The following NCL variants were observed in gnomAD, a reference collection of about 807,000 sequenced individuals.
NCL encodes the protein nucleolin multifunctional protein.
Under a neutral mutation model 77.7 loss-of-function variants are expected in NCL, and 4 were observed. That is an observed-to-expected ratio of 0.05 (90% CI 0.03 to 0.12). The LOEUF (loss-of-function observed/expected upper bound fraction) is 0.12, where lower values mean the gene tolerates loss of function less well. Ranked by LOEUF, NCL falls within the 10% of genes least tolerant of loss-of-function variation. NCL has a pLI of 1.00. For missense variants in NCL, 763 were observed against 860.9 expected, an observed-to-expected ratio of 0.89 and a Z score of 1.42; for synonymous variants, 344 against 297.8, an observed-to-expected ratio of 1.16 and a Z score of -1.60.
Position 231,454,018 on chromosome 2 carries a change from A to G in NCL, c.*1173T>C, listed in dbSNP as rs186256356. ...AAGGGAGGTTGAGAGGCAAGTACTT[A>G]AGACCAGAAAGAATAAGCAATATAC... On this transcript the variant is annotated 3_prime_UTR_variant, in exon 14 of 14. Coordinates refer to ENST00000322723, the MANE Select transcript of NCL (RefSeq NM_005381.3). 1.3e-5 allele frequency: 2 copies of G among 152,206 alleles called. No homozygotes were observed. The highest frequency in any genetic ancestry group is 2.4e-5 in the African/African-American group (1 of 41,444). The allele number at this position is 152,206 out of a possible 1,614,324, so 9.4% of individuals were successfully genotyped here.
In NCL at chr2:231,457,662, T is replaced by G; in HGVS notation, c.1428A>C (p.Gly476=). The G allele has an allele frequency of 1.2e-6, 2 of 1,602,248 alleles. No individual in the cohort carries two copies. The highest frequency in any genetic ancestry group is 2.3e-5 in the South Asian group (2 of 88,422). ...EKGQNQDYRG[G]KNSTWSGESK... ...TCTTACCACTCCAAGTGCTATTCTT[T>G]CCACCTCTATAGTCTTGATTTTGAC... The change falls in exon 9 of 14, where the codon GGA becomes GGC. Residue 476 remains glycine (G), a synonymous_variant. Transcript: ENST00000322723.
At chr2:231,464,253 C>G in intron 1 of NCL, 83 bp downstream of exon 1, 1 of 1,530,510 alleles carries the variant, frequency 6.5e-7, no homozygotes, top group South Asian at 1.2e-5. Flanking sequence ...CGGGACTGCG[C>G]GCAGGCCCTC....
intron 8 of NCL, 145 bp from the exon 9 acceptor site, chr2:231,457,945 C>A: frequency 1.2e-6 from 1 of 801,416 alleles, no homozygotes; most frequent in Non-Finnish European, 1.8e-6. Context: ...CTCGAGCTTC[C>A]CTCTTACTTC....
intron 8 of NCL, 94 bp downstream of exon 8, chr2:231,458,172 C>A: frequency 6.7e-7 from 1 of 1,501,264 alleles, no homozygotes; most frequent in Non-Finnish European, 9.0e-7. Context: ...TCCAAGATTA[C>A]ACGCCTAAGG....
At position 231,457,717 on chromosome 2, in the gene NCL, G is replaced by A; in HGVS notation, c.1373C>T (p.Ser458Phe). The change falls in exon 9 of 14, where the codon TCT becomes TTT. Residue 458 changes from serine to phenylalanine, a missense_variant. Around this residue, in one of 2 missense-constraint regions of NCL, gnomAD observed 590 missense variants for 570.5 expected, o/e 1.03. Coordinates refer to ENST00000322723, the MANE Select transcript of NCL (RefSeq NM_005381.3). ...CTCTCCAGTATAGTACAGGGAAATA[G>A]ATCGCCCATCGATCTCTGTTCCCTG... ...EKQGTEIDGRSISLYYTGEKG... is the reference protein window; with the variant it reads ...EKQGTEIDGRFISLYYTGEKG... 3 of 1,612,716 alleles carry A rather than the reference G, an allele frequency of 1.9e-6. No individual in the cohort carries two copies. The highest frequency in any genetic ancestry group is 2.5e-6 in the Non-Finnish European group (3 of 1,179,002).
chr2:231,461,402 G>A (rs902268599), intron 3 of NCL, 138 bp downstream of exon 3: 4 of 1,369,922 alleles, frequency 2.9e-6, no homozygotes, highest in Non-Finnish European at 3.0e-6. Flanking sequence ...ATTAAGTCTA[G>A]CACACCACAA....
chr2:231,460,510 G>A lies in NCL; in HGVS notation c.866C>T (p.Ala289Val), dbSNP rs2046936981. Residue 289 changes from alanine (A) to valine (V), a missense_variant, in exon 5 of 14, where the codon GCA (alanine) becomes GTA (valine). By Grantham distance (64) the Ala-to-Val change is moderately conservative. Around this residue, in one of 2 missense-constraint regions of NCL, gnomAD observed 590 missense variants for 570.5 expected, o/e 1.03. Coordinates refer to ENST00000322723, the MANE Select transcript of NCL (RefSeq NM_005381.3). ...TTTCTGTTTCTTGGCTTCAGGAGCT[G>A]CTTTCTGTTTGGCCATTTCCTTCTT... ...KRKKEMAKQK[A>V]APEAKKQKVE... 6.2e-7 allele frequency: 1 copy of A among 1,614,074 alleles called. No individual in the cohort carries two copies. The highest frequency in any genetic ancestry group is 1.3e-5 in the African/African-American group (1 of 74,928).
At chr2:231,464,142 C>G in intron 1 of NCL, 194 bp downstream of exon 1, 2 of 1,394,670 alleles carry the variant, frequency 1.4e-6, no homozygotes, top group Non-Finnish European at 1.9e-6. Context: ...GCCCCCAGCA[C>G]CTGCAGAAGC....
intron 1 of NCL, chr2:231,464,071 C>A: frequency 7.5e-7 from 1 of 1,324,956 alleles, no homozygotes. Flanking sequence ...CATCTCTCCA[C>A]CCCGAGGCCC....
At position 231,455,121 on chromosome 2, in the gene NCL, T is replaced by C. The variant is rs73996751; in HGVS notation, c.*70A>G. ...GAATGTCCTCAGAAGGCTCTGTCAT[T>C]GATCAGGTAACAGTAAAAACCCCAG... On this transcript the variant is annotated 3_prime_UTR_variant, in exon 14 of 14. Coordinates refer to ENST00000322723, the MANE Select transcript of NCL (RefSeq NM_005381.3). The C allele has an allele frequency of 1.7e-3, 2,556 of 1,540,816 alleles. 48 individuals carry two copies. In the African/African-American group the frequency reaches 0.031, roughly 19 times the overall value.
chr2:231,462,121 G>A, intron 2 of NCL, 104 bp from the exon 3 acceptor site: 3 of 1,387,474 alleles, frequency 2.2e-6, no homozygotes, highest in Non-Finnish European at 3.0e-6. Flanking sequence ...TCTGGTTCAA[G>A]ACCACATGCA....
chr2:231,455,143 C>T lies in NCL; in HGVS notation c.*48G>A, dbSNP rs966902118. ...CATTGATCAGGTAACAGTAAAAACC[C>T]CAGAGTCCTTTCTTTCAAATGGAAA... On this transcript the variant is annotated 3_prime_UTR_variant, in exon 14 of 14. Transcript: ENST00000322723. 5 of 1,606,100 alleles carry T rather than the reference C, an allele frequency of 3.1e-6. No individual in the cohort carries two copies. The African/African-American group carries it at 6.7e-5, about 21-fold the overall frequency.
Position 231,455,506 on chromosome 2 carries a change from C to G in NCL, c.1951G>C (p.Gly651Arg). 6.2e-7 allele frequency: 1 copy of G among 1,614,232 alleles called. No individual in the cohort carries two copies. Among genetic ancestry groups the G allele is most frequent in the Non-Finnish European group, 8.5e-7 (1 of 1,180,042 alleles). ...TLDWAKPKGE[G>R]GFGGRGGGRG... ...CCTCCACCACGACCCCCGAAGCCACCTTCACCCTTAGGTTTGGCCCAGTCC... is the reference window on the plus strand; with the variant it reads ...CCTCCACCACGACCCCCGAAGCCACGTTCACCCTTAGGTTTGGCCCAGTCC... Residue 651 changes from glycine (G) to arginine (R), a missense_variant, in exon 13 of 14, where the codon GGT becomes CGT. Gly to Arg is a moderately radical substitution (Grantham distance 125). Transcript: ENST00000322723.
At chr2:231,463,105 T>A (rs2046967543) in intron 2 of NCL, 95 bp downstream of exon 2, 3 of 901,070 alleles carry the variant, frequency 3.3e-6, no homozygotes, top group African/African-American at 3.4e-5. Context: ...CATACCTGAA[T>A]AAAATCTTAT....
At chr2:231,459,197 G>C in intron 6 of NCL, 72 bp from the exon 7 acceptor site, 1 of 1,406,168 alleles carries the variant, frequency 7.1e-7, no homozygotes, top group South Asian at 1.6e-5. Flanking sequence ...ATGTATTCTA[G>C]ACAAATGTGA....
At chr2:231,459,167 C>T in intron 6 of NCL, 42 bp from the exon 7 acceptor site, 1 of 1,503,272 alleles carries the variant, frequency 6.7e-7, no homozygotes, top group Non-Finnish European at 8.9e-7. Context: ...CAGGTGAAAA[C>T]ACAAATCAAA....
At chr2:231,458,244 C>A in intron 8 of NCL, 22 bp downstream of exon 8, 1 of 1,597,924 alleles carries the variant, frequency 6.3e-7, no homozygotes, top group Non-Finnish European at 8.5e-7. Context: ...AAAACCCTTA[C>A]ATTTCAATAG....
chr2:231,459,963 T>C (rs1054440127), intron 6 of NCL, among the ~76,000 whole-genome samples, 189 bp downstream of exon 6: 1 of 152,178 alleles, frequency 6.6e-6, no homozygotes, highest in Non-Finnish European at 1.5e-5. Flanking sequence ...TATACCAAGT[T>C]ACGACTGATT....
intron 6 of NCL, among the ~76,000 whole-genome samples, chr2:231,459,725 G>A (rs926912592): frequency 1.4e-4 from 21 of 152,026 alleles, no homozygotes; most frequent in African/African-American, 4.1e-4. Flanking sequence ...TGACCAACAT[G>A]GTGAAATGCC....
Sources: allele counts gnomAD v4.1 joint callset (sites outside exome capture counted in the v4.1 genomes callset), GRCh38; gene constraint gnomAD v4.1.1; regional missense constraint gnomAD v4.1.1; transcripts MANE v1.5; gene names NCBI Gene and HGNC (gene_info 2026-07-23, HGNC 2026-07-21).